Variants in SLC5A1 observed in about 807,000 individuals in gnomAD.
SLC5A1 encodes solute carrier family 5 member 1, also known as sodium/glucose cotransporter 1.
Under a neutral mutation model 73.5 loss-of-function variants are expected in SLC5A1, and 42 were observed. That is an observed-to-expected ratio of 0.57 (90% CI 0.45 to 0.74). The LOEUF (loss-of-function observed/expected upper bound fraction) is 0.74. SLC5A1 is among the 30% of genes least tolerant of loss of function. The pLI, the probability that SLC5A1 is intolerant of heterozygous loss-of-function variation, is 0.00. For missense variants in SLC5A1, 634 were observed against 855.4 expected (o/e 0.74, Z 3.23); for synonymous variants, 300 against 317.4 (o/e 0.95, Z 0.58).
intron 8 of SLC5A1, 100 bp from the exon 9 acceptor site, chr22:32,084,800 C>T (rs2094005433): frequency 1.3e-6 from 2 of 1,557,916 alleles, no homozygotes. Context: ...AGTGATACAG[C>T]AGTGCCAGGC....
intron 8 of SLC5A1, 90 bp from the exon 9 acceptor site, chr22:32,084,810 C>T: frequency 1.3e-6 from 2 of 1,581,540 alleles, no homozygotes; most frequent in Non-Finnish European, 1.7e-6. Flanking sequence ...CAGTGCCAGG[C>T]CAATGACCCA....
intron 13 of SLC5A1, among the ~76,000 whole-genome samples, chr22:32,104,368 C>T (rs1338250588): frequency 1.3e-5 from 2 of 152,210 alleles, no homozygotes; most frequent in East Asian, 1.9e-4. Context: ...TATTATGGCT[C>T]ATGATTCTAG....
chr22:32,091,298 A>AACACACACACAC (rs67059150), intron 10 of SLC5A1, among the ~76,000 whole-genome samples: 4 of 139,030 alleles, frequency 2.9e-5, no homozygotes, highest in South Asian at 4.9e-4. Flanking sequence ...CACATACACA[A>AACACACACACAC]ACACACACAC....
Position 32,043,348 on chromosome 22 carries a change from A to G in SLC5A1, c.67A>G (p.Ile23Val), listed in dbSNP as rs752020620. The change falls in exon 1 of 15, where the codon ATT becomes GTT. Residue 23 changes from isoleucine (I) to valine (V), a missense_variant. By Grantham distance (29) the Ile-to-Val change is conservative (BLOSUM62 3). Coordinates refer to ENST00000266088, the MANE Select transcript of SLC5A1 (RefSeq NM_000343.4). The surrounding 1 kb of genome is among the most constrained non-coding windows in gnomAD (Gnocchi z 6.5). ...VTRPVETHEL[I>V]RNAADISIIV... ...CCGGCCTGTTGAGACCCACGAGCTC[A>G]TTCGCAATGCAGCCGATATCTCCAT... 4 of 1,614,010 alleles carry G rather than the reference A, an allele frequency of 2.5e-6. No individual in the cohort carries two copies. Among genetic ancestry groups the G allele is most frequent in the Non-Finnish European group, 3.4e-6 (4 of 1,180,006 alleles).
intron 5 of SLC5A1, among the ~76,000 whole-genome samples, chr22:32,080,695 A>G (rs982974924): frequency 3.9e-5 from 6 of 152,126 alleles, no homozygotes; most frequent in Admixed American, 2.0e-4. Context: ...ACACCTGGAG[A>G]TTTGAAAACA....
At chr22:32,083,599 T>A (rs1055866813) in intron 7 of SLC5A1, among the ~76,000 whole-genome samples, 1 of 152,194 alleles carries the variant, frequency 6.6e-6, no homozygotes, top group Non-Finnish European at 1.5e-5. Context: ...TGGGTGATAA[T>A]GTTCCTTTTA....
intron 11 of SLC5A1, 91 bp from the exon 12 acceptor site, chr22:32,099,084 CAAAAAAAA>C (rs869158260): frequency 4.6e-4 from 42 of 92,282 alleles, no homozygotes; most frequent in Non-Finnish European, 6.0e-4. Flanking sequence ...GACTCTGTCT[CAAAAAAAA>C]AAAAAAAAAA....
intron 9 of SLC5A1, 115 bp from the exon 10 acceptor site, chr22:32,086,105 C>A: frequency 1.4e-6 from 1 of 719,946 alleles, no homozygotes; most frequent in Non-Finnish European, 2.6e-6. Context: ...CGTGCCACTG[C>A]ACTCCAGCCT....
chr22:32,074,368 A>G (rs182119995), intron 5 of SLC5A1, among the ~76,000 whole-genome samples: 1 of 152,334 alleles, frequency 6.6e-6, no homozygotes, highest in Non-Finnish European at 1.5e-5. Context: ...CTTTCAGCTC[A>G]GATCTGGATG....
At chr22:32,052,761 C>T (rs2149483986) in intron 2 of SLC5A1, among the ~76,000 whole-genome samples, 1 of 152,104 alleles carries the variant, frequency 6.6e-6, no homozygotes, top group South Asian at 2.1e-4. Context: ...CCTTGCACTG[C>T]AAGAAGGCAC....
rs2094056539 is a variant in SLC5A1, at chr22:32,111,311, C to T, written c.*1098C>T. The T allele has an allele frequency of 1.3e-5, 2 of 152,134 alleles. No homozygotes were observed. Among genetic ancestry groups the T allele is most frequent in the Admixed American group, 6.5e-5 (1 of 15,278 alleles). The allele number at this position is 152,134 out of a possible 1,614,324, so 9.4% of individuals were successfully genotyped here. On this transcript the variant is annotated 3_prime_UTR_variant, in exon 15 of 15. Transcript: ENST00000266088. The stretch of plus-strand genomic sequence containing the variant: ...GATGGTCATATCTCACTCTGTCTTC[C>T]GTGGCCTTCCTTTTGTCTGTGTCCT...
At position 32,083,073 on chromosome 22, in the gene SLC5A1, G is replaced by A. The variant is rs1335249243; in HGVS notation, c.584-1G>A. The A allele has an allele frequency of 6.2e-7, 1 of 1,614,138 alleles. No individual in the cohort carries two copies. Among genetic ancestry groups the A allele is most frequent in the Non-Finnish European group, 8.5e-7 (1 of 1,179,974 alleles). On this transcript the variant is annotated splice_acceptor_variant, in intron 6 of 14. Coordinates refer to ENST00000266088, the MANE Select transcript of SLC5A1 (RefSeq NM_000343.4). LOFTEE classifies it high-confidence loss of function. ...GATGTGTTGTCTTCTTGCCTGCTTA[G>A]GGGGCCTGGCGGCGGTGATTTACAC...
intron 5 of SLC5A1, 131 bp downstream of exon 5, chr22:32,068,731 G>A: frequency 1.4e-6 from 1 of 702,026 alleles, no homozygotes; most frequent in Non-Finnish European, 2.6e-6. Flanking sequence ...CTTGCGCCTT[G>A]GAGTAGAGTC....
chr22:32,086,306 G>A lies in SLC5A1; in HGVS notation c.1108G>A (p.Val370Met), dbSNP rs541887156. The A allele has an allele frequency of 1.9e-6, 3 of 1,612,358 alleles. No individual in the cohort carries two copies. The highest frequency in any genetic ancestry group is 2.5e-6 in the Non-Finnish European group (3 of 1,178,340). ...GCTNIAYPTL[V>M]VELMPNGLRG... ...TACCAACATCGCCTATCCAACCTTA[G>A]TGGTGGAGCTCATGCCCAATGGTGA... The change falls in exon 10 of 15, where the codon GTG (valine) becomes ATG (methionine). Residue 370 changes from valine to methionine, a missense_variant. Physicochemically the swap from Val to Met is conservative, Grantham distance 21. Transcript: ENST00000266088.
At chr22:32,108,036 T>C (rs182812959) in intron 14 of SLC5A1, among the ~76,000 whole-genome samples, 21 of 152,284 alleles carry the variant, frequency 1.4e-4, no homozygotes, top group African/African-American at 4.6e-4. Flanking sequence ...ATAACGCAAG[T>C]ACAATTCTTC....
At chr22:32,052,419 A>G (rs1380296328) in intron 2 of SLC5A1, among the ~76,000 whole-genome samples, 1 of 152,218 alleles carries the variant, frequency 6.6e-6, no homozygotes, top group Non-Finnish European at 1.5e-5. Flanking sequence ...ATGTCACCAG[A>G]GGGGCCAAAG....
At chr22:32,051,814 G>C (rs2093945435) in intron 2 of SLC5A1, among the ~76,000 whole-genome samples, 1 of 152,202 alleles carries the variant, frequency 6.6e-6, no homozygotes, top group African/African-American at 2.4e-5. Context: ...TGCAATCTCT[G>C]TCACAACTAT....
chr22:32,047,517 C>T (rs1041146172), intron 1 of SLC5A1, among the ~76,000 whole-genome samples: 1 of 151,304 alleles, frequency 6.6e-6, no homozygotes, highest in African/African-American at 2.4e-5. Flanking sequence ...TCTTGCTATT[C>T]CCAAAAAAAC....
intron 5 of SLC5A1, among the ~76,000 whole-genome samples, chr22:32,077,392 T>C (rs1404933634): frequency 1.3e-5 from 2 of 150,458 alleles, no homozygotes; most frequent in Non-Finnish European, 3.0e-5. Flanking sequence ...TCTTTCCTTC[T>C]CTCCCTTCCC....
Sources: allele counts gnomAD v4.1 joint callset (sites outside exome capture counted in the v4.1 genomes callset), GRCh38; gene constraint gnomAD v4.1.1; non-coding constraint Gnocchi (gnomAD v3.1); transcripts MANE v1.5; gene names NCBI Gene and HGNC (gene_info 2026-07-23, HGNC 2026-07-21).